The following CNTNAP5 variants were observed in gnomAD, a reference collection of about 807,000 sequenced individuals.
The protein encoded by CNTNAP5 is contactin-associated protein-like 5.
A neutral mutation model predicts 150.2 loss-of-function variants in CNTNAP5; 72 were observed. The ratio of observed to expected loss-of-function variants is 0.48; its 90% CI spans 0.40 to 0.58. CNTNAP5 has a LOEUF of 0.58. CNTNAP5 is among the 20% of genes least tolerant of loss of function. The pLI is 0.00. For missense variants in CNTNAP5, 1,636 were observed against 1,626.2 expected (o/e 1.01, Z -0.10); for synonymous variants, 672 against 619.8 (o/e 1.08, Z -1.25).
At chr2:124,171,357 C>G (rs1402290015) in intron 1 of CNTNAP5, among the ~76,000 whole-genome samples, 1 of 152,164 alleles carries the variant, frequency 6.6e-6, no homozygotes, top group South Asian at 2.1e-4. Context: ...GCCCTTGCCT[C>G]GTTTTTGATC....
chr2:124,550,957 A>G (rs915036778), intron 10 of CNTNAP5, among the ~76,000 whole-genome samples: 4 of 152,122 alleles, frequency 2.6e-5, no homozygotes, highest in Non-Finnish European at 2.9e-5. Context: ...ATGCTGATAC[A>G]TTCTTCTTGA....
intron 10 of CNTNAP5, among the ~76,000 whole-genome samples, chr2:124,545,699 G>A (rs986411571): frequency 2.0e-5 from 3 of 151,956 alleles, no homozygotes; most frequent in Non-Finnish European, 4.4e-5. Context: ...CTGAGTCTCC[G>A]TACTAGCACA....
intron 21 of CNTNAP5, among the ~76,000 whole-genome samples, chr2:124,875,728 T>C (rs115818368): frequency 0.023 from 3,416 of 151,442 alleles, 55 homozygotes; most frequent in Non-Finnish European, 0.037. Context: ...GTTTTCTTTT[T>C]TGTTAATGTG....
intron 1 of CNTNAP5, among the ~76,000 whole-genome samples, chr2:124,102,757 T>C (rs1683092180): frequency 6.6e-6 from 1 of 152,080 alleles, no homozygotes; most frequent in African/African-American, 2.4e-5. Context: ...CTTCGGTCTA[T>C]ATCTATGAAG....
intron 1 of CNTNAP5, among the ~76,000 whole-genome samples, chr2:124,057,323 C>T (rs935300442): frequency 1.3e-5 from 2 of 149,728 alleles, no homozygotes; most frequent in African/African-American, 4.9e-5. Context: ...ACTCTGTCAC[C>T]CAGGCTGGAG....
chr2:124,172,165 A>T (rs977296020), intron 1 of CNTNAP5, among the ~76,000 whole-genome samples: 3 of 152,228 alleles, frequency 2.0e-5, no homozygotes, highest in Non-Finnish European at 2.9e-5. Context: ...TCTTGAGAGT[A>T]CCAAGAAATA....
chr2:124,424,751 G>T (rs1692199274), intron 4 of CNTNAP5, among the ~76,000 whole-genome samples: 1 of 152,138 alleles, frequency 6.6e-6, no homozygotes, highest in South Asian at 2.1e-4. Flanking sequence ...AGGCTTCAGA[G>T]ATACAAAAAT....
rs189509943 is a variant in CNTNAP5, at chr2:124,043,198, C to G, written c.82+17466C>G. 2.1e-3 allele frequency among the ~76,000 whole-genome samples: 318 copies of G among 152,258 alleles called. 4 individuals are homozygous for G. The South Asian group carries it at 0.029, about 14-fold the overall frequency. ...GGACCTTGGAAGTGATGTAGTCCAG[C>G]CTACCCTGCATAATGTATATAGATC... On this transcript the variant is annotated intron_variant, in intron 1 of 23. Coordinates refer to ENST00000682447, the MANE Select transcript of CNTNAP5 (RefSeq NM_001367498.1).
intron 3 of CNTNAP5, among the ~76,000 whole-genome samples, chr2:124,338,443 A>T (rs1268633466): frequency 1.3e-5 from 2 of 151,970 alleles, no homozygotes; most frequent in African/African-American, 4.8e-5. Context: ...CTGTCTTATA[A>T]GGAGTTCTTC....
At chr2:124,899,268 A>G (rs559299864) in intron 21 of CNTNAP5, among the ~76,000 whole-genome samples, 1 of 151,622 alleles carries the variant, frequency 6.6e-6, no homozygotes, top group South Asian at 2.1e-4. Flanking sequence ...GGTAGGTACT[A>G]TTATCCCTAT....
At chr2:124,810,032 G>A (rs1682173752) in intron 19 of CNTNAP5, among the ~76,000 whole-genome samples, 1 of 152,168 alleles carries the variant, frequency 6.6e-6, no homozygotes, top group Non-Finnish European at 1.5e-5. Context: ...GTTCTAAGCG[G>A]AAATGGTTTG....
chr2:124,309,125 A>G (rs1343064201), intron 3 of CNTNAP5, among the ~76,000 whole-genome samples: 1 of 152,218 alleles, frequency 6.6e-6, no homozygotes, highest in Non-Finnish European at 1.5e-5. Context: ...AATAATAACT[A>G]ATAATAAAAT....
chr2:124,667,495 A>G (rs1401087969), intron 13 of CNTNAP5, among the ~76,000 whole-genome samples: 1 of 152,200 alleles, frequency 6.6e-6, no homozygotes, highest in Admixed American at 6.5e-5. Flanking sequence ...AGGTAAGTAT[A>G]ATGCCTCTTG....
chr2:124,491,041 A>G (rs993887537), intron 7 of CNTNAP5, among the ~76,000 whole-genome samples: 4 of 152,180 alleles, frequency 2.6e-5, no homozygotes, highest in African/African-American at 7.2e-5. Flanking sequence ...TAAAGATAGT[A>G]TATATGTTCA....
rs553085963 is a variant in CNTNAP5 at position 124,870,006 on chromosome 2, A to G, written c.3436+244A>G. ...AAATACTAAAATAATTTAGCAGAAT[A>G]CTTAAATTTTTACTTAATTTTCAAA... is the stretch of plus-strand genomic sequence containing the variant. On this transcript the variant is annotated intron_variant, in intron 21 of 23. Transcript: ENST00000682447. Among the ~76,000 whole-genome samples the G allele has an allele frequency of 7.2e-5, 11 of 152,240 alleles. No individual in the cohort carries two copies. The South Asian group carries it at 2.3e-3, about 31-fold the overall frequency.
chr2:124,648,018 T>G, intron 13 of CNTNAP5, 60 bp downstream of exon 13: 20 of 1,481,530 alleles, frequency 1.3e-5, no homozygotes, highest in Non-Finnish European at 1.8e-5. Flanking sequence ...CCTGGAGTAT[T>G]AGGCAAAGGA....
At chr2:124,041,965 G>C (rs1476265477) in intron 1 of CNTNAP5, among the ~76,000 whole-genome samples, 1 of 152,118 alleles carries the variant, frequency 6.6e-6, no homozygotes, top group Non-Finnish European at 1.5e-5. Context: ...GGGTTCAAGT[G>C]ATTCTTCTGC....
At chr2:124,884,295 G>T (rs1298534554) in intron 21 of CNTNAP5, among the ~76,000 whole-genome samples, 1 of 151,962 alleles carries the variant, frequency 6.6e-6, no homozygotes, top group Non-Finnish European at 1.5e-5. Flanking sequence ...ATGTCTCTGT[G>T]TGTGCATTTG....
chr2:124,328,143 T>G (rs1012656217), intron 3 of CNTNAP5, among the ~76,000 whole-genome samples: 4 of 149,690 alleles, frequency 2.7e-5, no homozygotes, highest in Non-Finnish European at 4.5e-5. Context: ...TACAACACAT[T>G]TTTTTTTTTG....
Sources: allele counts gnomAD v4.1 joint callset (sites outside exome capture counted in the v4.1 genomes callset), GRCh38; gene constraint gnomAD v4.1.1; transcripts MANE v1.5; gene names NCBI Gene and HGNC (gene_info 2026-07-23, HGNC 2026-07-21).